The following MAP3K20 variants were observed in gnomAD, a reference collection of about 807,000 sequenced individuals.
MAP3K20 encodes mitogen-activated protein kinase kinase kinase 20, also known as HCCS-4.
Under a neutral mutation model 85.7 loss-of-function variants are expected in MAP3K20, and 40 were observed. That is an observed-to-expected ratio of 0.47 (90% CI 0.36 to 0.61). The LOEUF (loss-of-function observed/expected upper bound fraction) is 0.61, where lower values mean the gene tolerates loss of function less well. Among genes scored for constraint, MAP3K20 ranks in the 20% least tolerant of loss-of-function variants. The probability of loss-of-function intolerance (pLI) is 0.00; values close to 1 mark genes in which losing one functional copy is unlikely to be tolerated. For synonymous variants in MAP3K20, 325 were observed against 327.7 expected (o/e 0.99, Z 0.09); for missense variants, 817 against 961.7 (o/e 0.85, Z 1.99).
Position 173,091,094 on chromosome 2 carries a change from C to T in MAP3K20, c.63C>T (p.Asn21=), listed in dbSNP as rs1364539668. 1.2e-6 allele frequency: 2 copies of T among 1,613,764 alleles called. No homozygotes were observed. The highest frequency in any genetic ancestry group is 2.7e-5 in the African/African-American group (2 of 74,840). ...IKFDDLQFFE[N]CGGGSFGSVY... is the part of the protein sequence containing the mutation. ...TTGATGACTTGCAGTTTTTTGAAAA[C>T]TGCGGTGGAGGAAGTTTTGGGAGTG... Residue 21 remains asparagine (N), a synonymous_variant, in exon 2 of 20, where the codon AAC becomes AAT. Transcript: ENST00000375213.
intron 9 of MAP3K20, among the ~76,000 whole-genome samples, chr2:173,205,115 A>AG (rs1553581823): frequency 7.1e-6 from 1 of 140,328 alleles, no homozygotes; most frequent in East Asian, 2.1e-4. Flanking sequence ...AAAAAAAAAA[A>AG]AAAAAAATAA....
chr2:173,089,647 A>G (rs1332642831), intron 1 of MAP3K20, among the ~76,000 whole-genome samples: 1 of 151,508 alleles, frequency 6.6e-6, no homozygotes, highest in African/African-American at 2.4e-5. Context: ...CAGTGGCACT[A>G]TCTCAGCTCA....
At chr2:173,163,567 T>C (rs986856462) in intron 2 of MAP3K20, among the ~76,000 whole-genome samples, 30 of 152,324 alleles carry the variant, frequency 2.0e-4, no homozygotes, top group African/African-American at 6.7e-4. Flanking sequence ...CATCCATGTT[T>C]CTGCAAAGGA....
chr2:173,229,381 CTG>C (rs1326431688), intron 11 of MAP3K20, among the ~76,000 whole-genome samples: 1 of 152,188 alleles, frequency 6.6e-6, no homozygotes, highest in Non-Finnish European at 1.5e-5. Context: ...CTCTAGGTCT[CTG>C]AGAAAATGTC....
chr2:173,123,192 A>G (rs773400651), intron 2 of MAP3K20, among the ~76,000 whole-genome samples: 1 of 152,206 alleles, frequency 6.6e-6, no homozygotes, highest in African/African-American at 2.4e-5. Flanking sequence ...CAACCAAGTA[A>G]GCTCTCAGAG....
chr2:173,126,030 G>A (rs1327753464), intron 2 of MAP3K20, among the ~76,000 whole-genome samples: 2 of 152,110 alleles, frequency 1.3e-5, no homozygotes, highest in Non-Finnish European at 2.9e-5. Context: ...TACATTATAA[G>A]TGAGCAGAAA....
chr2:173,263,863 C>A lies in MAP3K20; in HGVS notation c.1670C>A (p.Ser557Ter). The part of the protein sequence containing the change: ...QLAIQTLFTN[S>*]DGNPGSRSDS... Reference sequence around the variant, plus strand: ...GCCATTCAGACATTATTCACCAATTCAGATGGCAACCCTGGAAGCAGGTCC... The same window carrying A: ...GCCATTCAGACATTATTCACCAATTAAGATGGCAACCCTGGAAGCAGGTCC... Residue 557 changes from serine to a stop codon, truncating the protein, a stop_gained, in exon 19 of 20, where the codon TCA becomes TAA. Coordinates refer to ENST00000375213, the MANE Select transcript of MAP3K20 (RefSeq NM_016653.3). LOFTEE classifies it low-confidence loss of function (END_TRUNC). 6.2e-7 allele frequency: 1 copy of A among 1,612,778 alleles called. No individual in the cohort carries two copies. Among genetic ancestry groups the A allele is most frequent in the East Asian group, 2.2e-5 (1 of 44,864 alleles).
At chr2:173,096,443 G>A (rs1423709787) in intron 2 of MAP3K20, among the ~76,000 whole-genome samples, 1 of 151,584 alleles carries the variant, frequency 6.6e-6, no homozygotes, top group Non-Finnish European at 1.5e-5. Context: ...GAGTTCAAGC[G>A]ATTCTCCTGC....
At chr2:173,187,870 T>G (rs1690535906) in intron 5 of MAP3K20, among the ~76,000 whole-genome samples, 2 of 152,216 alleles carry the variant, frequency 1.3e-5, no homozygotes, top group Admixed American at 1.3e-4. Flanking sequence ...ATTTTTTCTC[T>G]GATAAGAAAT....
chr2:173,139,360 A>T (rs1559248324), intron 2 of MAP3K20, among the ~76,000 whole-genome samples: 1 of 152,158 alleles, frequency 6.6e-6, no homozygotes, highest in Non-Finnish European at 1.5e-5. Context: ...TATGAAGGAG[A>T]ACTCAGTAGC....
chr2:173,261,303 CACA>C (rs1685286340), intron 18 of MAP3K20, among the ~76,000 whole-genome samples, 166 bp downstream of exon 18: 1 of 152,186 alleles, frequency 6.6e-6, no homozygotes, highest in East Asian at 1.9e-4. Context: ...TAATTTCTCT[CACA>C]ACGTGTTGGG....
At chr2:173,079,467 A>G (rs1242118386) in intron 1 of MAP3K20, among the ~76,000 whole-genome samples, 1 of 151,868 alleles carries the variant, frequency 6.6e-6, no homozygotes, top group Non-Finnish European at 1.5e-5. Flanking sequence ...TTATTTAAAC[A>G]TTTTTCTTCA....
In MAP3K20 at chr2:173,266,504, G is replaced by A; in HGVS notation, c.2157G>A (p.Gln719=). 1 of 1,614,080 alleles carries A rather than the reference G, an allele frequency of 6.2e-7. No homozygotes were observed. Among genetic ancestry groups the A allele is most frequent in the East Asian group, 2.2e-5 (1 of 44,866 alleles). ...CTGGAAAGTTCTACAGGGTTTCTCA[G>A]TCAGCACTCAATCCTCACCAGTCGC... ...RYPGKFYRVS[Q]SALNPHQSPD... Residue 719 remains glutamine (Q), a synonymous_variant, in exon 20 of 20, where the codon CAG becomes CAA. Transcript: ENST00000375213.
chr2:173,162,742 A>G (rs1295203324), intron 2 of MAP3K20, among the ~76,000 whole-genome samples: 1 of 151,766 alleles, frequency 6.6e-6, no homozygotes, highest in Non-Finnish European at 1.5e-5. Context: ...TCCGTGGAGT[A>G]GTTATATGCT....
chr2:173,094,200 C>T lies in MAP3K20; in HGVS notation c.159+3010C>T, dbSNP rs184505466. Among the ~76,000 whole-genome samples, 387 of 151,770 alleles carry T rather than the reference C, an allele frequency of 2.5e-3. 3 individuals are homozygous for T. Among genetic ancestry groups the T allele is most frequent in the African/African-American group, 9.0e-3 (373 of 41,384 alleles). On this transcript the variant is annotated intron_variant, in intron 2 of 19. Transcript: ENST00000375213. ...AAGAATACTACTATGAACTCTAGTA[C>T]GTTTTATTCTTCCCCTACACTCACC...
chr2:173,184,069 T>G (rs946453045), intron 4 of MAP3K20, among the ~76,000 whole-genome samples: 1 of 152,236 alleles, frequency 6.6e-6, no homozygotes, highest in Non-Finnish European at 1.5e-5. Context: ...TTTATGTTAA[T>G]TTGCTTAATT....
chr2:173,130,009 T>C (rs572400576), intron 2 of MAP3K20, among the ~76,000 whole-genome samples: 1 of 152,320 alleles, frequency 6.6e-6, no homozygotes, highest in East Asian at 1.9e-4. Context: ...CCTCTAAAAT[T>C]GAGGCAACAT....
chr2:173,081,762 A>G (rs999365348), intron 1 of MAP3K20, among the ~76,000 whole-genome samples: 4 of 152,178 alleles, frequency 2.6e-5, no homozygotes, highest in African/African-American at 4.8e-5. Context: ...GTGCTTCTCC[A>G]TGATGTTTGG....
At chr2:173,258,949 G>GTTTCA (rs2106354540) in intron 17 of MAP3K20, 134 bp downstream of exon 17, 1 of 511,698 alleles carries the variant, frequency 2.0e-6, no homozygotes, top group South Asian at 3.7e-5. Flanking sequence ...GCTGTTGAAA[G>GTTTCA]GCACATTTTA....
Sources: gnomAD v4.1 joint callset for allele counts (sites outside exome capture counted in the v4.1 genomes callset) on GRCh38, gnomAD v4.1.1 for gene constraint, MANE v1.5 for transcripts, NCBI Gene and HGNC (gene_info 2026-07-23, HGNC 2026-07-21) for gene names.